RIMS1: variants seen among roughly 807,000 people sequenced by gnomAD.
RIMS1 encodes regulating synaptic membrane exocytosis 1.
RIMS1 carries 83 observed loss-of-function variants against 214.1 expected under a neutral mutation model. That is an observed-to-expected ratio of 0.39 (90% confidence interval 0.32 to 0.47). The LOEUF is 0.47. Ranked by LOEUF, RIMS1 falls within the 20% of genes least tolerant of loss-of-function variation. The probability of loss-of-function intolerance (pLI) is 0.99; values close to 1 mark genes in which losing one functional copy is unlikely to be tolerated. For synonymous variants in RIMS1, 793 were observed against 786.8 expected (o/e 1.01, Z -0.13); for missense variants, 2,050 against 2,161.8 (o/e 0.95, Z 1.03).
At chr6:71,929,388 T>C (rs770482660) in intron 1 of RIMS1, among the ~76,000 whole-genome samples, 62 of 152,162 alleles carry the variant, frequency 4.1e-4, no homozygotes, top group Admixed American at 8.5e-4. Context: ...AAAACTCTTA[T>C]ATGCCACATT....
At chr6:72,367,199 C>T (rs1262209439) in intron 29 of RIMS1, among the ~76,000 whole-genome samples, 2 of 152,186 alleles carry the variant, frequency 1.3e-5, no homozygotes, top group Non-Finnish European at 2.9e-5. Flanking sequence ...AGTCCTTAAA[C>T]TCATTACTAC....
intron 29 of RIMS1, among the ~76,000 whole-genome samples, chr6:72,367,883 G>C (rs1668462250): frequency 6.6e-6 from 1 of 152,074 alleles, no homozygotes. Flanking sequence ...CATGTTGCTT[G>C]TGTTTTATTT....
intron 1 of RIMS1, among the ~76,000 whole-genome samples, chr6:71,927,641 A>C (rs1029705849): frequency 2.0e-5 from 3 of 152,072 alleles, no homozygotes; most frequent in Non-Finnish European, 4.4e-5. Flanking sequence ...TATACCGAAG[A>C]TTATTGTTTA....
chr6:72,362,712 C>CGAGG (rs1472151509), intron 29 of RIMS1, among the ~76,000 whole-genome samples: 1 of 152,080 alleles, frequency 6.6e-6, no homozygotes, highest in African/African-American at 2.4e-5. Flanking sequence ...GAACTCTTGT[C>CGAGG]AAAATTTTGT....
chr6:72,268,545 A>G (rs1456857958), intron 22 of RIMS1, among the ~76,000 whole-genome samples: 2 of 152,158 alleles, frequency 1.3e-5, no homozygotes, highest in African/African-American at 4.8e-5. Flanking sequence ...AAAGGGTGAA[A>G]TTGTCAAAGC....
chr6:72,252,726 A>C (rs575795491), intron 15 of RIMS1, 35 bp from the exon 16 acceptor site: 15 of 1,532,582 alleles, frequency 9.8e-6, no homozygotes, highest in Non-Finnish European at 1.2e-5. Flanking sequence ...AACCAACCAG[A>C]CACAGAAGTA....
chr6:72,049,761 A>G (rs1310064318), intron 2 of RIMS1, among the ~76,000 whole-genome samples: 1 of 152,254 alleles, frequency 6.6e-6, no homozygotes, highest in African/African-American at 2.4e-5. Flanking sequence ...AGGAAGGAGA[A>G]GTACAGTAAT....
intron 24 of RIMS1, among the ~76,000 whole-genome samples, chr6:72,288,126 G>C (rs1432151384): frequency 6.6e-6 from 1 of 152,102 alleles, no homozygotes; most frequent in Non-Finnish European, 1.5e-5. Flanking sequence ...ACAGAAAAGA[G>C]AGCAAGCATT....
intron 23 of RIMS1, among the ~76,000 whole-genome samples, chr6:72,283,404 T>A (rs1046116295): frequency 3.3e-5 from 5 of 152,092 alleles, no homozygotes; most frequent in African/African-American, 1.2e-4. Context: ...TAGAATAAAC[T>A]GGGGAATATG....
chr6:72,284,341 G>T lies in RIMS1; in HGVS notation c.3554+223G>T, dbSNP rs117152044. ...ATCTTAGGGTTTAAAAAATAATTAT[G>T]TATTTCTCTTAGTGATCATTCTGAT... On this transcript the variant is annotated intron_variant, in intron 24 of 33. Transcript: ENST00000521978. Among the ~76,000 whole-genome samples the T allele has an allele frequency of 6.8e-3, 1,039 of 152,196 alleles. 8 individuals are homozygous for T. The highest frequency in any genetic ancestry group is 0.017 in the Middle Eastern group (5 of 292).
chr6:72,112,034 A>G (rs1254586461), intron 4 of RIMS1, among the ~76,000 whole-genome samples: 1 of 152,182 alleles, frequency 6.6e-6, no homozygotes, highest in African/African-American at 2.4e-5. Flanking sequence ...TTTAATGTGT[A>G]AAACCCAATC....
chr6:71,919,241 G>C (rs1779291348), intron 1 of RIMS1, among the ~76,000 whole-genome samples: 1 of 151,960 alleles, frequency 6.6e-6, no homozygotes, highest in Non-Finnish European at 1.5e-5. Flanking sequence ...AGAGATAGGT[G>C]GGAAAAATTA....
At chr6:72,048,572 C>G (rs1051461351) in intron 2 of RIMS1, among the ~76,000 whole-genome samples, 4 of 152,070 alleles carry the variant, frequency 2.6e-5, no homozygotes, top group African/African-American at 9.7e-5. Context: ...AAAAGACAAA[C>G]CTGAATCTGC....
In RIMS1 at chr6:72,067,753, A is replaced by C. The variant is rs148958710; in HGVS notation, c.246-29196A>C. Among the ~76,000 whole-genome samples the C allele has an allele frequency of 4.7e-3, 713 of 152,344 alleles. 5 individuals carry two copies. Among genetic ancestry groups the C allele is most frequent in the African/African-American group, 0.017 (690 of 41,572 alleles). Reference sequence around the variant, plus strand: ...TTGTCAAAATAAGAATAAATGAATAAAATCACTTAACATATATTGCCTGGA... The same window carrying C: ...TTGTCAAAATAAGAATAAATGAATACAATCACTTAACATATATTGCCTGGA... On this transcript the variant is annotated intron_variant, in intron 2 of 33. Coordinates refer to ENST00000521978, the MANE Select transcript of RIMS1 (RefSeq NM_014989.7).
chr6:72,033,143 C>T (rs1013447075), intron 2 of RIMS1, among the ~76,000 whole-genome samples: 1 of 152,154 alleles, frequency 6.6e-6, no homozygotes, highest in African/African-American at 2.4e-5. Context: ...GTTGCATTTT[C>T]CAGAATTCAT....
intron 4 of RIMS1, among the ~76,000 whole-genome samples, chr6:72,177,609 C>A (rs1442598872): frequency 6.6e-6 from 1 of 152,192 alleles, no homozygotes; most frequent in Non-Finnish European, 1.5e-5. Flanking sequence ...CTGAGAAATA[C>A]AAATTTAACG....
In RIMS1 at chr6:72,248,745, C is replaced by T. The variant is rs2071505559; in HGVS notation, c.2241+618C>T. Reference sequence around the variant, plus strand: ...TCAAACTATTTGTTTCAAATTGTTACACAAATAATGACCTTTTGCTCCTCT... The same window carrying T: ...TCAAACTATTTGTTTCAAATTGTTATACAAATAATGACCTTTTGCTCCTCT... On this transcript the variant is annotated intron_variant, in intron 12 of 33. Coordinates refer to ENST00000521978, the MANE Select transcript of RIMS1 (RefSeq NM_014989.7). Among the ~76,000 whole-genome samples the T allele has an allele frequency of 2.0e-5, 3 of 152,220 alleles. No homozygotes were observed. The South Asian group carries it at 6.2e-4, about 32-fold the overall frequency.
intron 4 of RIMS1, among the ~76,000 whole-genome samples, chr6:72,136,495 TTAAGC>T (rs1437526527): frequency 2.0e-5 from 3 of 152,158 alleles, no homozygotes; most frequent in African/African-American, 7.2e-5. Flanking sequence ...TAGAAGTTAA[TTAAGC>T]AATATATTCA....
intron 2 of RIMS1, 68 bp downstream of exon 2, chr6:71,969,131 T>A: frequency 6.9e-7 from 1 of 1,451,028 alleles, no homozygotes; most frequent in African/African-American, 1.4e-5. Flanking sequence ...TACAGATTTA[T>A]TCACATTGCA....
Sources: gnomAD v4.1 joint callset for allele counts (sites outside exome capture counted in the v4.1 genomes callset) on GRCh38, gnomAD v4.1.1 for gene constraint, MANE v1.5 for transcripts, NCBI Gene and HGNC (gene_info 2026-07-23, HGNC 2026-07-21) for gene names.